The following ENPP1 variants were observed in gnomAD, a reference collection of about 807,000 sequenced individuals.
The protein encoded by ENPP1 is ectonucleotide pyrophosphatase/phosphodiesterase family member 1.
Under a neutral mutation model 122.8 loss-of-function variants are expected in ENPP1, and 73 were observed. The observed-to-expected ratio is 0.59, with a 90% confidence interval of 0.49 to 0.72. The LOEUF is 0.72. Ranked by LOEUF, ENPP1 falls within the 30% of genes least tolerant of loss-of-function variation. The pLI, the probability that ENPP1 is intolerant of heterozygous loss-of-function variation, is 0.00. For synonymous variants in ENPP1, 367 were observed against 391.6 expected, an observed-to-expected ratio of 0.94 and a Z score of 0.74; for missense variants, 978 against 1,128.1, an observed-to-expected ratio of 0.87 and a Z score of 1.91.
At chr6:131,822,326 G>C (rs991323686) in intron 1 of ENPP1, among the ~76,000 whole-genome samples, 10 of 152,150 alleles carry the variant, frequency 6.6e-5, no homozygotes, top group African/African-American at 1.2e-4. Context: ...TGAATCATTT[G>C]CTATGTGACC....
At chr6:131,836,687 A>G (rs1401570799) in intron 1 of ENPP1, among the ~76,000 whole-genome samples, 1 of 152,210 alleles carries the variant, frequency 6.6e-6, no homozygotes. Context: ...TTCATTAATC[A>G]TTATTGTAAA....
chr6:131,823,723 A>G (rs1282452715), intron 1 of ENPP1, among the ~76,000 whole-genome samples: 1 of 151,616 alleles, frequency 6.6e-6, no homozygotes, highest in Non-Finnish European at 1.5e-5. Context: ...CTCAATTGCT[A>G]CTGGATCCTG....
rs41286152 is a variant in ENPP1 at position 131,877,371 on chromosome 6, C to T, written c.1893+210C>T. Reference sequence around the variant, plus strand: ...GCATTTTCCACTCTATTTTTAATTCCTTGGAGCTGTGACTTGACTTGGGTG... The same window carrying T: ...GCATTTTCCACTCTATTTTTAATTCTTTGGAGCTGTGACTTGACTTGGGTG... On this transcript the variant is annotated intron_variant, in intron 18 of 24. Coordinates refer to ENST00000647893, the MANE Select transcript of ENPP1 (RefSeq NM_006208.3). 27,341 of 590,942 alleles carry T rather than the reference C, an allele frequency of 0.046. 885 individuals are homozygous for T. The highest frequency in any genetic ancestry group is 0.11 in the African/African-American group (5,992 of 53,796). 36.6% of individuals were successfully genotyped at this position (590,942 alleles called of 1,614,324 possible).
At chr6:131,836,332 T>A (rs979548278) in intron 1 of ENPP1, among the ~76,000 whole-genome samples, 13 of 152,304 alleles carry the variant, frequency 8.5e-5, no homozygotes, top group African/African-American at 3.1e-4. Context: ...CAGGCTGGTC[T>A]TGAACTCCTG....
rs772919133 is a variant in ENPP1, at chr6:131,873,051, G to GT, written c.1565+2dup. 12 of 1,613,636 alleles carry GT rather than the reference G, an allele frequency of 7.4e-6. No individual in the cohort carries two copies. Among genetic ancestry groups the GT allele is most frequent in the Non-Finnish European group, 8.5e-6 (10 of 1,179,646 alleles). ...TGGACCCTCAGTGGCAACTTGCATT[G>GT]TAAGTTCTGACAGTCTCCCAGGTAA... On this transcript the variant is annotated splice_donor_variant, in intron 15 of 24. Transcript: ENST00000647893. LOFTEE classifies it high-confidence loss of function.
At chr6:131,887,287 T>A (rs956852843) in intron 24 of ENPP1, among the ~76,000 whole-genome samples, 3 of 152,200 alleles carry the variant, frequency 2.0e-5, no homozygotes, top group Non-Finnish European at 4.4e-5. Flanking sequence ...TATCGTATTG[T>A]CATCCCAGTG....
chr6:131,849,867 C>G (rs768453024), intron 2 of ENPP1, 123 bp from the exon 3 acceptor site: 58 of 753,930 alleles, frequency 7.7e-5, no homozygotes, highest in Non-Finnish European at 1.3e-4. Flanking sequence ...CTTTATTACC[C>G]CATCTGTATT....
At chr6:131,836,071 A>G (rs1487874728) in intron 1 of ENPP1, among the ~76,000 whole-genome samples, 2 of 151,496 alleles carry the variant, frequency 1.3e-5, no homozygotes, top group African/African-American at 4.8e-5. Context: ...TAAAAGAAAG[A>G]TGTGACAGAA....
In ENPP1 at chr6:131,812,631, G is replaced by C. The variant is rs191399838; in HGVS notation, c.240+4356G>C. ...TTTAAAGAGCTTTATCCTGAGCCAA[G>C]ATGAGTGACTGTGGCTCGGGGAAAC... On this transcript the variant is annotated intron_variant, in intron 1 of 24. Transcript: ENST00000647893. 2.2e-4 allele frequency among the ~76,000 whole-genome samples: 33 copies of C among 152,344 alleles called. 1 individual carries two copies. Among genetic ancestry groups the C allele is most frequent in the Admixed American group, 1.5e-3 (23 of 15,312 alleles).
rs1353753784 is a variant in ENPP1, at chr6:131,891,066, A to G, written c.*555A>G. The G allele has an allele frequency of 6.5e-6, 1 of 152,794 alleles. No individual in the cohort carries two copies. Among genetic ancestry groups the G allele is most frequent in the Non-Finnish European group, 1.5e-5 (1 of 68,546 alleles). 9.5% of individuals were successfully genotyped at this position (152,794 alleles called of 1,614,324 possible). On this transcript the variant is annotated 3_prime_UTR_variant, in exon 25 of 25. Coordinates refer to ENST00000647893, the MANE Select transcript of ENPP1 (RefSeq NM_006208.3). ...TCAATCTTTGCTGTATATCCCCTCA[A>G]AATCCAAGTTATTAATCTTATGTGT... is the stretch of plus-strand genomic sequence containing the variant.
At chr6:131,889,951 C>A (rs527442762) in intron 24 of ENPP1, among the ~76,000 whole-genome samples, 1 of 150,382 alleles carries the variant, frequency 6.6e-6, no homozygotes, top group African/African-American at 2.4e-5. Flanking sequence ...TACTAGCTAG[C>A]GTCTGTTGTT....
intron 1 of ENPP1, among the ~76,000 whole-genome samples, chr6:131,842,272 G>A (rs1781751323): frequency 6.6e-6 from 1 of 152,182 alleles, no homozygotes; most frequent in South Asian, 2.1e-4. Flanking sequence ...CATGATTGTT[G>A]TTGTTATTTT....
intron 14 of ENPP1, 57 bp downstream of exon 14, chr6:131,872,158 G>A: frequency 8.3e-7 from 1 of 1,203,040 alleles, no homozygotes; most frequent in South Asian, 1.2e-5. Context: ...AATATATATT[G>A]AGAGAAAAGT....
chr6:131,840,634 T>G (rs933738956), intron 1 of ENPP1, among the ~76,000 whole-genome samples: 7 of 152,194 alleles, frequency 4.6e-5, no homozygotes, highest in South Asian at 2.1e-4. Context: ...GATTTAAAAA[T>G]GAGGCTTAGT....
At position 131,869,441 on chromosome 6, in the gene ENPP1, C is replaced by T; in HGVS notation, c.1357C>T (p.Pro453Ser). 6.2e-7 allele frequency: 1 copy of T among 1,612,656 alleles called. No individual in the cohort carries two copies. The highest frequency in any genetic ancestry group is 8.5e-7 in the Non-Finnish European group (1 of 1,178,904). The part of the protein sequence containing the change: ...DVKNIKVIYG[P>S]AARLRPSDVP... ...TAAAAATATTAAAGTTATCTATGGACCTGCAGCTCGATTGAGACCCTCTGA... is the reference window on the plus strand; with the variant it reads ...TAAAAATATTAAAGTTATCTATGGATCTGCAGCTCGATTGAGACCCTCTGA... Residue 453 changes from proline (P) to serine (S), a missense_variant, in exon 13 of 25, where the codon CCT (proline) becomes TCT (serine). Coordinates refer to ENST00000647893, the MANE Select transcript of ENPP1 (RefSeq NM_006208.3).
intron 1 of ENPP1, among the ~76,000 whole-genome samples, chr6:131,817,824 A>G (rs369884802): frequency 3.3e-5 from 5 of 152,112 alleles, no homozygotes; most frequent in Admixed American, 1.3e-4. Flanking sequence ...ATATATATGT[A>G]TAATATGCAT....
At chr6:131,823,850 T>A (rs1781511830) in intron 1 of ENPP1, among the ~76,000 whole-genome samples, 1 of 151,918 alleles carries the variant, frequency 6.6e-6, no homozygotes, top group African/African-American at 2.4e-5. Flanking sequence ...TTAACTTCTC[T>A]GTGTCATAGC....
At chr6:131,829,198 GCAC>G (rs755163868) in intron 1 of ENPP1, among the ~76,000 whole-genome samples, 6 of 152,220 alleles carry the variant, frequency 3.9e-5, no homozygotes, top group Non-Finnish European at 5.9e-5. Flanking sequence ...GAGCTGTTCT[GCAC>G]CATTAATAAA....
In ENPP1 at chr6:131,829,728, G is replaced by A. The variant is rs115458637; in HGVS notation, c.241-18048G>A. On this transcript the variant is annotated intron_variant, in intron 1 of 24. Transcript: ENST00000647893. ...CTGAGAAGAGTAACAGAAGGAAGCC[G>A]CTACCACCTGGAGAGCAGGAAGGGC... Among the ~76,000 whole-genome samples the A allele has an allele frequency of 4.1e-3, 621 of 152,280 alleles. 4 individuals are homozygous for A. Among genetic ancestry groups the A allele is most frequent in the African/African-American group, 0.014 (595 of 41,544 alleles).
Sources: allele counts gnomAD v4.1 joint callset (sites outside exome capture counted in the v4.1 genomes callset), GRCh38; gene constraint gnomAD v4.1.1; transcripts MANE v1.5; gene names NCBI Gene and HGNC (gene_info 2026-07-23, HGNC 2026-07-21).